Variants in CPED1 observed in about 807,000 individuals in gnomAD.
CPED1 encodes the protein cadherin-like and PC-esterase domain-containing protein 1.
CPED1 carries 114 observed loss-of-function variants against 128.2 expected under a neutral mutation model. The ratio of observed to expected loss-of-function variants is 0.89; its 90% CI spans 0.76 to 1.04. CPED1 has a LOEUF of 1.04. Ranked by LOEUF, CPED1 falls within the 50% of genes least tolerant of loss-of-function variation. CPED1 has a pLI of 0.00. For missense variants in CPED1, 1,211 were observed against 1,207.1 expected (o/e 1.00, Z -0.05); for synonymous variants, 462 against 426.7 (o/e 1.08, Z -1.02).
intron 5 of CPED1, among the ~76,000 whole-genome samples, chr7:121,093,173 T>C (rs1361271148): frequency 6.6e-6 from 1 of 152,168 alleles, no homozygotes; most frequent in Non-Finnish European, 1.5e-5. Context: ...GAACTGTTTT[T>C]CACAGTAGTA....
intron 5 of CPED1, among the ~76,000 whole-genome samples, chr7:121,077,306 G>T (rs1794154413): frequency 6.6e-6 from 1 of 152,082 alleles, no homozygotes; most frequent in African/African-American, 2.4e-5. Context: ...AATGAAAATG[G>T]AAGTCAAATT....
chr7:121,095,021 C>T (rs1200946279), intron 5 of CPED1, among the ~76,000 whole-genome samples: 2 of 152,170 alleles, frequency 1.3e-5, no homozygotes, highest in East Asian at 3.8e-4. Context: ...CAGGAAAGCC[C>T]TAAAGAGTCA....
In CPED1 at chr7:121,267,258, A is replaced by G. The variant is rs752760631; in HGVS notation, c.2677A>G (p.Ile893Val). The G allele has an allele frequency of 1.2e-6, 2 of 1,603,266 alleles. No individual in the cohort carries two copies. The highest frequency in any genetic ancestry group is 1.7e-5 in the Admixed American group (1 of 59,496). ...CCTAGTGATCATCAAAACTTTGGGAATTGGATTTCATCTGCCAGTGGATGG... is the reference window on the plus strand; with the variant it reads ...CCTAGTGATCATCAAAACTTTGGGAGTTGGATTTCATCTGCCAGTGGATGG... Reference protein sequence around the residue: ...NILVIIKTLGIGFHLPVDGVH... With the variant: ...NILVIIKTLGVGFHLPVDGVH... Residue 893 changes from isoleucine (I) to valine (V), a missense_variant, in exon 21 of 23, where the codon ATT becomes GTT. Physicochemically the swap from Ile to Val is conservative, Grantham distance 29. Transcript: ENST00000310396.
intron 2 of CPED1, among the ~76,000 whole-genome samples, chr7:120,995,915 C>T (rs2525742): frequency 1.1e-5 from 1 of 91,730 alleles, no homozygotes; most frequent in South Asian, 2.7e-4. Context: ...TTCTTCTTCT[C>T]CTTCTCCTCC....
chr7:121,084,699 A>G (rs1297079370), intron 5 of CPED1, among the ~76,000 whole-genome samples: 4 of 152,242 alleles, frequency 2.6e-5, no homozygotes, highest in Non-Finnish European at 5.9e-5. Flanking sequence ...ATGCAAAACC[A>G]CATCAAGCTC....
At chr7:121,114,324 C>G (rs1315157387) in intron 7 of CPED1, among the ~76,000 whole-genome samples, 3 of 152,180 alleles carry the variant, frequency 2.0e-5, no homozygotes, top group Non-Finnish European at 4.4e-5. Context: ...TGCATTCCCC[C>G]CATAAAGCTT....
At chr7:121,292,648 G>T (rs903937029) in intron 22 of CPED1, among the ~76,000 whole-genome samples, 5 of 152,048 alleles carry the variant, frequency 3.3e-5, no homozygotes, top group Non-Finnish European at 7.4e-5. Flanking sequence ...CCTCATCTTC[G>T]TGGATTTACC....
intron 16 of CPED1, among the ~76,000 whole-genome samples, chr7:121,180,547 C>T (rs1486937746): frequency 1.3e-5 from 2 of 151,950 alleles, no homozygotes; most frequent in Non-Finnish European, 2.9e-5. Flanking sequence ...GATACATTAT[C>T]TGTACACTCT....
At chr7:121,245,057 C>CATTTCCTT (rs1798493735) in intron 18 of CPED1, among the ~76,000 whole-genome samples, 1 of 152,170 alleles carries the variant, frequency 6.6e-6, no homozygotes, top group Admixed American at 6.5e-5. Context: ...ATTAGATGGA[C>CATTTCCTT]ATTTCCTTAT....
At chr7:121,225,784 G>C (rs1253735682) in intron 16 of CPED1, among the ~76,000 whole-genome samples, 1 of 151,994 alleles carries the variant, frequency 6.6e-6, no homozygotes. Context: ...ATTGAAGCTT[G>C]TGTATGCATC....
At chr7:121,069,476 T>A (rs1048326302) in intron 5 of CPED1, among the ~76,000 whole-genome samples, 3 of 152,056 alleles carry the variant, frequency 2.0e-5, no homozygotes, top group East Asian at 1.9e-4. Context: ...CTGGAACCCA[T>A]GCAAGTGAGG....
intron 2 of CPED1, among the ~76,000 whole-genome samples, chr7:120,993,483 T>A (rs1487526729): frequency 6.6e-6 from 1 of 152,246 alleles, no homozygotes; most frequent in South Asian, 2.1e-4. Flanking sequence ...ATATGACATC[T>A]ACTTTCTCAA....
intron 3 of CPED1, among the ~76,000 whole-genome samples, chr7:121,035,679 T>A (rs1792864290): frequency 6.6e-6 from 1 of 151,050 alleles, no homozygotes; most frequent in African/African-American, 2.4e-5. Context: ...TACAAAAAAT[T>A]AAAAAATAGC....
At chr7:121,292,196 C>G (rs1480201240) in intron 22 of CPED1, among the ~76,000 whole-genome samples, 4 of 151,894 alleles carry the variant, frequency 2.6e-5, no homozygotes, top group Non-Finnish European at 1.5e-5. Context: ...TTCTTGGAGG[C>G]TTTGTTCATT....
chr7:121,211,603 CAGGGCT>C lies in CPED1; in HGVS notation c.2056-25110_2056-25105del, dbSNP rs1254056305. 1.9e-4 allele frequency among the ~76,000 whole-genome samples: 29 copies of C among 152,254 alleles called. No homozygotes were observed. In the South Asian group the frequency reaches 5.2e-3, roughly 27 times the overall value. ...TTCTGGAGATCAGCTTGAACTATCA[CAGGGCT>C]GTGGATTGTTGAGAATCAATGGCAG... On this transcript the variant is annotated intron_variant, in intron 16 of 22. Coordinates refer to ENST00000310396, the MANE Select transcript of CPED1 (RefSeq NM_024913.5).
intron 3 of CPED1, 152 bp downstream of exon 3, chr7:121,016,000 T>G (rs1166456701): frequency 2.1e-6 from 1 of 472,538 alleles, no homozygotes. Flanking sequence ...TTATCTCTTT[T>G]TTTTAACTTC....
At chr7:121,127,531 TTTTC>T (rs1331156529) in intron 10 of CPED1, among the ~76,000 whole-genome samples, 6 of 141,372 alleles carry the variant, frequency 4.2e-5, no homozygotes, top group Non-Finnish European at 6.1e-5. Flanking sequence ...CTTTTTTTCT[TTTTC>T]TTTCTTTTTT....
intron 16 of CPED1, among the ~76,000 whole-genome samples, chr7:121,197,330 A>AT (rs1263022386): frequency 1.3e-5 from 2 of 152,152 alleles, no homozygotes; most frequent in African/African-American, 4.8e-5. Flanking sequence ...ACTGCCAGGG[A>AT]TAAAAAAATA....
At chr7:121,008,999 C>T (rs1437048533) in intron 2 of CPED1, among the ~76,000 whole-genome samples, 3 of 152,156 alleles carry the variant, frequency 2.0e-5, no homozygotes, top group East Asian at 1.9e-4. Flanking sequence ...AGGACAGGCA[C>T]GTTGCTGAGA....
Sources: allele counts gnomAD v4.1 joint callset (sites outside exome capture counted in the v4.1 genomes callset), GRCh38; gene constraint gnomAD v4.1.1; transcripts MANE v1.5; gene names NCBI Gene and HGNC (gene_info 2026-07-23, HGNC 2026-07-21).